The following NSD2 variants were observed in gnomAD, a reference collection of about 807,000 sequenced individuals.
NSD2 encodes nuclear receptor binding SET domain protein 2.
In NSD2, 12 loss-of-function variants were observed where a neutral mutation model predicts 139.0. That is an observed-to-expected ratio of 0.09 (90% CI 0.06 to 0.14). The LOEUF is 0.14. Among genes scored for constraint, NSD2 ranks in the 10% least tolerant of loss-of-function variants. NSD2 has a pLI of 1.00. For missense variants in NSD2, 1,155 were observed against 1,745.0 expected (o/e 0.66, Z 6.02); for synonymous variants, 669 against 648.7 (o/e 1.03, Z -0.48).
At chr4:1,891,856 C>CAAAAAAAAAAAAAA (rs74332369) in intron 1 of NSD2, among the ~76,000 whole-genome samples, 1 of 59,196 alleles carries the variant, frequency 1.7e-5, no homozygotes, top group Non-Finnish European at 3.5e-5. Context: ...GACTCCATCT[C>CAAAAAAAAAAAAAA]AAAAAAAAAA....
At chr4:1,875,803 G>A (rs1714210953) in intron 1 of NSD2, among the ~76,000 whole-genome samples, 1 of 151,808 alleles carries the variant, frequency 6.6e-6, no homozygotes, top group Non-Finnish European at 1.5e-5. Context: ...CAGCTACTCG[G>A]GAGGCTGAGG....
At chr4:1,935,464 G>T in intron 7 of NSD2, among the ~76,000 whole-genome samples, 1 of 152,206 alleles carries the variant, frequency 6.6e-6, no homozygotes, top group Non-Finnish European at 1.5e-5. Flanking sequence ...CCCTCCAGGG[G>T]TGTTATCACA....
At chr4:1,902,934 G>C (rs955661677) in intron 2 of NSD2, among the ~76,000 whole-genome samples, 2 of 152,108 alleles carry the variant, frequency 1.3e-5, no homozygotes, top group Non-Finnish European at 2.9e-5. Context: ...CAGCACTTTG[G>C]GAGGCTGAGG....
At position 1,942,183 on chromosome 4, in the gene NSD2, G is replaced by C; in HGVS notation, c.1881+2405G>C. ...TTTTTATTGGAATAATTATTACATG[G>C]TACTACATCACCCTGAGGAAGAGAA... is the stretch of plus-strand genomic sequence containing the variant. On this transcript the variant is annotated intron_variant, in intron 9 of 21. Coordinates refer to ENST00000508803, the MANE Select transcript of NSD2 (RefSeq NM_001042424.3). The surrounding 1 kb of genome is among the most constrained non-coding windows in gnomAD (Gnocchi z 4.0). 7.1e-7 allele frequency: 1 copy of C among 1,413,580 alleles called. No individual in the cohort carries two copies. The highest frequency in any genetic ancestry group is 9.2e-7 in the Non-Finnish European group (1 of 1,085,194). 87.6% of individuals were successfully genotyped at this position (1,413,580 alleles called of 1,614,324 possible).
At position 1,976,098 on chromosome 4, in the gene NSD2, C is replaced by T. The variant is rs759480103; in HGVS notation, c.3622-377C>T. On this transcript the variant is annotated intron_variant, in intron 20 of 21. Transcript: ENST00000508803. The surrounding 1 kb of genome is among the most constrained non-coding windows in gnomAD (Gnocchi z 5.3). The stretch of plus-strand genomic sequence containing the variant: ...GGTCACTGCCGCCCACCTGTGCCCA[C>T]GTTCCTGTGGAATTTCCTAATGAGG... Among the ~76,000 whole-genome samples the T allele has an allele frequency of 6.6e-6, 1 of 152,190 alleles. No individual in the cohort carries two copies. The highest frequency in any genetic ancestry group is 2.4e-5 in the African/African-American group (1 of 41,448).
At chr4:1,931,427 G>A (rs1327452755) in intron 6 of NSD2, among the ~76,000 whole-genome samples, 2 of 152,108 alleles carry the variant, frequency 1.3e-5, no homozygotes, top group African/African-American at 2.4e-5. Context: ...GTGTAACAGT[G>A]GTTAGATTTG....
At chr4:1,913,177 C>T (rs1016534518) in intron 3 of NSD2, among the ~76,000 whole-genome samples, 3 of 152,238 alleles carry the variant, frequency 2.0e-5, no homozygotes, top group Non-Finnish European at 4.4e-5. Context: ...CGAGTGTGAG[C>T]CCTCTGTCAC....
chr4:1,966,176 C>T (rs1274518742), intron 18 of NSD2, among the ~76,000 whole-genome samples: 1 of 152,190 alleles, frequency 6.6e-6, no homozygotes, highest in African/African-American at 2.4e-5. Context: ...CTAGACCTGC[C>T]TTGCAAGTAA....
chr4:1,876,847 C>T (rs921623936), intron 1 of NSD2, among the ~76,000 whole-genome samples: 17 of 151,928 alleles, frequency 1.1e-4, no homozygotes, highest in African/African-American at 4.1e-4. Context: ...TTTGTTATGC[C>T]GTTTGCTGGT....
intron 5 of NSD2, among the ~76,000 whole-genome samples, chr4:1,923,591 C>T (rs1239169187): frequency 1.3e-5 from 2 of 152,184 alleles, no homozygotes; most frequent in Admixed American, 6.5e-5. Context: ...AGATGAGCAA[C>T]AGTGGGACTC....
At chr4:1,908,181 A>G (rs1278625667) in intron 3 of NSD2, among the ~76,000 whole-genome samples, 1 of 152,236 alleles carries the variant, frequency 6.6e-6, no homozygotes, top group African/African-American at 2.4e-5. Flanking sequence ...CAGCACTCCC[A>G]ATCCCCAATT....
At chr4:1,916,776 ACAC>A in intron 3 of NSD2, 92 bp from the exon 4 acceptor site, 1 of 1,272,050 alleles carries the variant, frequency 7.9e-7, no homozygotes, top group East Asian at 2.4e-5. Context: ...GGCTCAGACA[ACAC>A]CAAGGGAAAC....
Position 1,942,756 on chromosome 4 carries a change from C to G in NSD2, c.1881+2978C>G, listed in dbSNP as rs966982814. ...GAGTTGCTTCTCCTCTAGTTTGTAA[C>G]TTACTGGACTTTTGTGGAAAATATC... On this transcript the variant is annotated intron_variant, in intron 9 of 21. Coordinates refer to ENST00000508803, the MANE Select transcript of NSD2 (RefSeq NM_001042424.3). This position sits in a 1 kb window ranked among gnomAD's most constrained non-coding sequence, Gnocchi z 4.0. The G allele has an allele frequency of 1.8e-6, 2 of 1,084,738 alleles. No homozygotes were observed. Among genetic ancestry groups the G allele is most frequent in the African/African-American group, 3.3e-5 (2 of 61,442 alleles). The allele number at this position is 1,084,738 out of a possible 1,614,324, so 67.2% of individuals were successfully genotyped here.
chr4:1,976,553 G>C lies in NSD2; in HGVS notation c.3700G>C (p.Gly1234Arg). 1 of 1,613,912 alleles carries C rather than the reference G, an allele frequency of 6.2e-7. No individual in the cohort carries two copies. Among genetic ancestry groups the C allele is most frequent in the Non-Finnish European group, 8.5e-7 (1 of 1,179,940 alleles). ...KTRRRRAKGEGKRQSEDECFR... is the reference protein window; with the variant it reads ...KTRRRRAKGERKRQSEDECFR... ...GAGGCGGCGCAGAGCAAAAGGGGAA[G>C]GGAAGAGGCAGTCAGAGGACGAGTG... The change falls in exon 21 of 22, where the codon GGG becomes CGG. Residue 1234 changes from glycine to arginine, a missense_variant. This residue lies in a region of NSD2 where 39 missense variants were observed against 43.5 expected (regional missense o/e 0.90). Transcript: ENST00000508803. This position sits in a 1 kb window ranked among gnomAD's most constrained non-coding sequence, Gnocchi z 5.3.
At chr4:1,907,983 T>A (rs144049254) in intron 3 of NSD2, among the ~76,000 whole-genome samples, 28 of 152,338 alleles carry the variant, frequency 1.8e-4, no homozygotes, top group African/African-American at 6.7e-4. Context: ...AAGGACAGTT[T>A]CCTTATTGAC....
Position 1,956,217 on chromosome 4 carries a change from A to C in NSD2, c.2881+29A>C, listed in dbSNP as rs1230097780. 6.5e-7 allele frequency: 1 copy of C among 1,532,820 alleles called. No individual in the cohort carries two copies. The highest frequency in any genetic ancestry group is 2.1e-5 in the Admixed American group (1 of 47,322). The allele number at this position is 1,532,820 out of a possible 1,614,324, so 95.0% of individuals were successfully genotyped here. On this transcript the variant is annotated intron_variant, in intron 15 of 21. Coordinates refer to ENST00000508803, the MANE Select transcript of NSD2 (RefSeq NM_001042424.3). The surrounding 1 kb of genome is among the most constrained non-coding windows in gnomAD (Gnocchi z 5.3). ...CGGAGATATTCAGATAGAGAGTGAGACAGCACTCTCGTGCATTTTCTTACC... is the reference window on the plus strand; with the variant it reads ...CGGAGATATTCAGATAGAGAGTGAGCCAGCACTCTCGTGCATTTTCTTACC...
chr4:1,877,026 A>G (rs981792656), intron 1 of NSD2, among the ~76,000 whole-genome samples: 5 of 151,432 alleles, frequency 3.3e-5, no homozygotes, highest in African/African-American at 1.2e-4. Flanking sequence ...AATCCCAGCT[A>G]CTCGGGAGGC....
At chr4:1,953,269 T>C (rs746400962) in intron 11 of NSD2, 55 bp from the exon 12 acceptor site, 23 of 1,614,000 alleles carry the variant, frequency 1.4e-5, no homozygotes, top group Non-Finnish European at 1.8e-5. Flanking sequence ...AGAACTGCAA[T>C]TTAATTCTTG....
At chr4:1,946,740 A>G in intron 9 of NSD2, 1 of 1,045,768 alleles carries the variant, frequency 9.6e-7, no homozygotes, top group South Asian at 4.6e-5. Context: ...AGCAGGTAGA[A>G]AATTATTTGT....
Sources: allele counts gnomAD v4.1 joint callset (sites outside exome capture counted in the v4.1 genomes callset), GRCh38; gene constraint gnomAD v4.1.1; regional missense constraint gnomAD v4.1.1; non-coding constraint Gnocchi (gnomAD v3.1); transcripts MANE v1.5; gene names NCBI Gene and HGNC (gene_info 2026-07-23, HGNC 2026-07-21).